Variants in BIRC6 observed in about 807,000 individuals in gnomAD.
BIRC6 encodes baculoviral IAP repeat containing 6, also known as dual E2 ubiquitin-conjugating enzyme/E3 ubiquitin-protein ligase BIRC6.
BIRC6 carries 98 observed loss-of-function variants against 503.3 expected under a neutral mutation model. The ratio of observed to expected loss-of-function variants is 0.19; its 90% CI spans 0.17 to 0.23. BIRC6 has a LOEUF of 0.23. Ranked by LOEUF, BIRC6 falls within the 10% of genes least tolerant of loss-of-function variation. BIRC6 has a pLI of 1.00. For missense variants in BIRC6, 5,360 were observed against 5,806.0 expected (o/e 0.92, Z 2.50); for synonymous variants, 2,240 against 2,078.7 (o/e 1.08, Z -2.11).
At chr2:32,468,308 C>T in intron 28 of BIRC6, 129 bp from the exon 29 acceptor site, 1 of 965,158 alleles carries the variant, frequency 1.0e-6, no homozygotes, top group African/African-American at 1.7e-5. Context: ...TTATTAGTAC[C>T]TATCAAGTGG....
chr2:32,453,648 G>GTCAGTTT (rs1203969201), intron 22 of BIRC6, among the ~76,000 whole-genome samples, 160 bp from the exon 23 acceptor site: 1 of 152,174 alleles, frequency 6.6e-6, no homozygotes, highest in Non-Finnish European at 1.5e-5. Flanking sequence ...CTGCTGTTTT[G>GTCAGTTT]TCAGTTTTCT....
intron 66 of BIRC6, among the ~76,000 whole-genome samples, chr2:32,588,218 G>A (rs1328116456): frequency 6.6e-6 from 1 of 152,130 alleles, no homozygotes; most frequent in Non-Finnish European, 1.5e-5. Context: ...AGCCAGGCGT[G>A]GTGGTAGGTG....
intron 15 of BIRC6, among the ~76,000 whole-genome samples, chr2:32,438,176 TA>T (rs1232118311): frequency 2.0e-5 from 3 of 152,348 alleles, no homozygotes; most frequent in South Asian, 2.1e-4. Context: ...TATACTAAGA[TA>T]TTTTTTTCCA....
In BIRC6 at chr2:32,473,258, A is replaced by G. The variant is rs1354280852; in HGVS notation, c.6720+19A>G. ...TAAACAGGTAATTGTCAATATATTT[A>G]AAAATTTTTAATGTTTGAGAATATT... is the stretch of plus-strand genomic sequence containing the variant. On this transcript the variant is annotated intron_variant, in intron 33 of 73. Transcript: ENST00000421745. 6.7e-7 allele frequency: 1 copy of G among 1,503,224 alleles called. No individual in the cohort carries two copies. Among genetic ancestry groups the G allele is most frequent in the East Asian group, 2.5e-5 (1 of 40,420 alleles). The allele number at this position is 1,503,224 out of a possible 1,614,324, so 93.1% of individuals were successfully genotyped here. A position where few individuals can be genotyped will look rare whatever the true frequency, so the allele number is the denominator to read the frequency against.
At chr2:32,359,818 C>T (rs570505067) in intron 1 of BIRC6, among the ~76,000 whole-genome samples, 1 of 152,178 alleles carries the variant, frequency 6.6e-6, no homozygotes, top group African/African-American at 2.4e-5. Flanking sequence ...ATCCTCCCAC[C>T]TCAGCCTCCC....
chr2:32,452,871 A>G (rs933486183), intron 22 of BIRC6, among the ~76,000 whole-genome samples: 23 of 152,060 alleles, frequency 1.5e-4, no homozygotes, highest in South Asian at 6.2e-4. Flanking sequence ...TAAGTGTGCA[A>G]TAAGCATTTT....
rs180902375 is a variant in BIRC6 at position 32,429,062 on chromosome 2, C to T, written c.2873-84C>T. Reference sequence around the variant, plus strand: ...CCTTATCTGCCTATGAAGTGACATTCAGTTGTTTCCTAAGTAGTATTACAT... The same window carrying T: ...CCTTATCTGCCTATGAAGTGACATTTAGTTGTTTCCTAAGTAGTATTACAT... On this transcript the variant is annotated intron_variant, in intron 10 of 73. Coordinates refer to ENST00000421745, the MANE Select transcript of BIRC6 (RefSeq NM_016252.4). 5.2e-4 allele frequency: 592 copies of T among 1,146,472 alleles called. 7 individuals are homozygous for T. In the African/African-American group the frequency reaches 8.9e-3, roughly 17 times the overall value. 71.0% of individuals were successfully genotyped at this position (1,146,472 alleles called of 1,614,324 possible). A position where few individuals can be genotyped will look rare whatever the true frequency, so the allele number is the denominator to read the frequency against.
intron 41 of BIRC6, among the ~76,000 whole-genome samples, chr2:32,488,185 T>TA (rs987990632): frequency 2.0e-5 from 3 of 151,236 alleles, no homozygotes; most frequent in Admixed American, 6.6e-5. Flanking sequence ...TCTAATAAAG[T>TA]AAAAAAAATT....
In BIRC6 at chr2:32,357,027, C is replaced by T. The variant is rs2149011084; in HGVS notation, c.-135C>T. 2 of 797,350 alleles carry T rather than the reference C, an allele frequency of 2.5e-6. No individual in the cohort carries two copies. The highest frequency in any genetic ancestry group is 3.3e-5 in the East Asian group (1 of 30,096). 49.4% of individuals were successfully genotyped at this position (797,350 alleles called of 1,614,324 possible). A position where few individuals can be genotyped will look rare whatever the true frequency, so the allele number is the denominator to read the frequency against. ...AGCCCGCGCCCCGGGCCCCGCCTCC[C>T]TCCCTGCTTCTCCCCCTCTCCCGTC... On this transcript the variant is annotated 5_prime_UTR_variant, in exon 1 of 74. Transcript: ENST00000421745. The surrounding 1 kb of genome is among the most constrained non-coding windows in gnomAD (Gnocchi z 4.9).
At chr2:32,486,377 G>T (rs2050995503) in intron 40 of BIRC6, among the ~76,000 whole-genome samples, 1 of 152,228 alleles carries the variant, frequency 6.6e-6, no homozygotes, top group Admixed American at 6.5e-5. Flanking sequence ...GAATGGGTAT[G>T]GCTGTGTTAC....
chr2:32,530,456 C>G (rs1049564928), intron 60 of BIRC6, among the ~76,000 whole-genome samples: 1 of 152,146 alleles, frequency 6.6e-6, no homozygotes, highest in Non-Finnish European at 1.5e-5. Flanking sequence ...ACTTATCTGC[C>G]CGCTTCGGCC....
At chr2:32,482,278 TA>T in intron 38 of BIRC6, 150 bp from the exon 39 acceptor site, 1 of 779,496 alleles carries the variant, frequency 1.3e-6, no homozygotes, top group Non-Finnish European at 2.0e-6. Flanking sequence ...ACCATTCTTA[TA>T]AATCATTAAA....
At chr2:32,544,969 A>T (rs2057954925) in intron 62 of BIRC6, among the ~76,000 whole-genome samples, 1 of 152,072 alleles carries the variant, frequency 6.6e-6, no homozygotes. Flanking sequence ...TTTGATAAAG[A>T]CATAGAATGT....
chr2:32,555,806 G>A (rs2058729702), intron 65 of BIRC6, among the ~76,000 whole-genome samples: 1 of 149,606 alleles, frequency 6.7e-6, no homozygotes. Flanking sequence ...ATCAACACTC[G>A]CCTGTAGTCC....
At chr2:32,489,108 G>A (rs1433271529) in intron 42 of BIRC6, among the ~76,000 whole-genome samples, 3 of 151,914 alleles carry the variant, frequency 2.0e-5, no homozygotes, top group Non-Finnish European at 4.4e-5. Flanking sequence ...TCAGTTTCCT[G>A]TGGAAGTTGT....
intron 43 of BIRC6, among the ~76,000 whole-genome samples, 161 bp downstream of exon 43, chr2:32,490,312 C>T (rs1167767757): frequency 6.6e-6 from 1 of 152,146 alleles, no homozygotes; most frequent in East Asian, 1.9e-4. Flanking sequence ...CTTTGGGAGG[C>T]CAGCACGGGT....
Position 32,515,661 on chromosome 2 carries a change from C to T in BIRC6, c.11240C>T (p.Ala3747Val). 1 of 1,609,614 alleles carries T rather than the reference C, an allele frequency of 6.2e-7. No individual in the cohort carries two copies. The highest frequency in any genetic ancestry group is 8.5e-7 in the Non-Finnish European group (1 of 1,179,862). Residue 3747 changes from alanine (A) to valine (V), a missense_variant, in exon 55 of 74, where the codon GCT (alanine) becomes GTT (valine). Around this residue, in one of 16 missense-constraint regions of BIRC6, gnomAD observed 878 missense variants for 928.9 expected, o/e 0.95. Coordinates refer to ENST00000421745, the MANE Select transcript of BIRC6 (RefSeq NM_016252.4). Reference protein sequence around the residue: ...SARSASLSSAATTGLTTQQRT... With the variant: ...SARSASLSSAVTTGLTTQQRT... ...AGATCAGCTTCTCTTTCTTCAGCTG[C>T]TACAACAGGACTGACTACTCAACAG... is the stretch of plus-strand genomic sequence containing the variant.
intron 1 of BIRC6, among the ~76,000 whole-genome samples, chr2:32,365,359 G>A (rs980412448): frequency 6.2e-5 from 9 of 144,636 alleles, no homozygotes; most frequent in Non-Finnish European, 8.9e-5. Flanking sequence ...TCGCCCTGTC[G>A]CCCAGGCTGG....
At chr2:32,603,638 C>T (rs1283229955) in intron 71 of BIRC6, among the ~76,000 whole-genome samples, 6 of 152,018 alleles carry the variant, frequency 3.9e-5, no homozygotes, top group African/African-American at 1.2e-4. Flanking sequence ...GTAGGAGAAT[C>T]GCTGGAACCC....
Sources: allele counts gnomAD v4.1 joint callset (sites outside exome capture counted in the v4.1 genomes callset), GRCh38; gene constraint gnomAD v4.1.1; regional missense constraint gnomAD v4.1.1; non-coding constraint Gnocchi (gnomAD v3.1); transcripts MANE v1.5; gene names NCBI Gene and HGNC (gene_info 2026-07-23, HGNC 2026-07-21).